The following TNRC6B variants were observed in gnomAD, a reference collection of about 807,000 sequenced individuals.
TNRC6B encodes the protein trinucleotide repeat containing adaptor 6B, also known as trinucleotide repeat-containing gene 6B protein.
Under a neutral mutation model 203.6 loss-of-function variants are expected in TNRC6B, and 52 were observed. The ratio of observed to expected loss-of-function variants is 0.26; its 90% CI spans 0.20 to 0.32. The LOEUF (loss-of-function observed/expected upper bound fraction) is 0.32, where lower values mean the gene tolerates loss of function less well. Ranked by LOEUF, TNRC6B falls within the 10% of genes least tolerant of loss-of-function variation. The probability of loss-of-function intolerance (pLI) is 1.00; values close to 1 mark genes in which losing one functional copy is unlikely to be tolerated. For synonymous variants in TNRC6B, 838 were observed against 845.7 expected (o/e 0.99, Z 0.16); for missense variants, 1,923 against 2,286.2 (o/e 0.84, Z 3.24).
At chr22:40,217,039 C>T (rs1484594334) in intron 1 of TNRC6B, among the ~76,000 whole-genome samples, 1 of 152,144 alleles carries the variant, frequency 6.6e-6, no homozygotes, top group Non-Finnish European at 1.5e-5. Context: ...ACCAATGCAG[C>T]TGTACCTTTG....
chr22:40,099,927 A>G (rs530813791), intron 1 of TNRC6B, among the ~76,000 whole-genome samples: 69 of 151,864 alleles, frequency 4.5e-4, no homozygotes, highest in African/African-American at 1.5e-3. Flanking sequence ...ATTTTTTTGT[A>G]TTTTTAGCAG....
At chr22:40,073,837 C>G (rs181601781) in intron 1 of TNRC6B, among the ~76,000 whole-genome samples, 158 of 152,192 alleles carry the variant, frequency 1.0e-3, no homozygotes, top group Non-Finnish European at 1.6e-3. Context: ...GTGGGCAGAT[C>G]ACCTGATGTC....
chr22:40,116,678 T>C (rs559237227), intron 1 of TNRC6B, among the ~76,000 whole-genome samples: 2 of 152,258 alleles, frequency 1.3e-5, no homozygotes, highest in East Asian at 1.9e-4. Flanking sequence ...TGGGCTGATA[T>C]GAGGGGTTGG....
intron 3 of TNRC6B, among the ~76,000 whole-genome samples, chr22:40,132,094 T>C (rs1261949924): frequency 6.6e-6 from 1 of 152,222 alleles, no homozygotes; most frequent in Non-Finnish European, 1.5e-5. Flanking sequence ...ACGCCTGTAA[T>C]CCCAGCAGTT....
At chr22:40,049,703 A>G (rs1431585566) in intron 1 of TNRC6B, among the ~76,000 whole-genome samples, 1 of 152,112 alleles carries the variant, frequency 6.6e-6, no homozygotes, top group Non-Finnish European at 1.5e-5. Context: ...TTCCGGGTTT[A>G]AGTGATTCTC....
At chr22:40,165,326 A>G (rs896987557) in intron 4 of TNRC6B, among the ~76,000 whole-genome samples, 1 of 151,774 alleles carries the variant, frequency 6.6e-6, no homozygotes, top group Non-Finnish European at 1.5e-5. Context: ...ACAGGCACGC[A>G]CTACCATGCC....
intron 1 of TNRC6B, among the ~76,000 whole-genome samples, chr22:40,240,081 T>G (rs1413124559): frequency 6.6e-6 from 1 of 152,154 alleles, no homozygotes; most frequent in Non-Finnish European, 1.5e-5. Context: ...TTTGCCCGCC[T>G]CAGCCTCCGA....
intron 1 of TNRC6B, among the ~76,000 whole-genome samples, chr22:40,210,795 T>C (rs572602125): frequency 6.6e-6 from 1 of 152,306 alleles, no homozygotes; most frequent in African/African-American, 2.4e-5. Flanking sequence ...AACCTGGAAA[T>C]ATGCTTGACC....
intron 1 of TNRC6B, among the ~76,000 whole-genome samples, chr22:40,105,272 A>T (rs1422842631): frequency 6.6e-6 from 1 of 152,162 alleles, no homozygotes; most frequent in Non-Finnish European, 1.5e-5. Context: ...TTTTGTTTTG[A>T]TTTAAATCTT....
intron 15 of TNRC6B, 143 bp downstream of exon 15, chr22:40,301,476 C>T: frequency 2.2e-6 from 2 of 906,290 alleles, no homozygotes; most frequent in Non-Finnish European, 3.3e-6. Context: ...ACAGATGAGA[C>T]ATCTGAGGCT....
At chr22:40,131,661 G>C (rs921641448) in intron 3 of TNRC6B, among the ~76,000 whole-genome samples, 5 of 152,058 alleles carry the variant, frequency 3.3e-5, no homozygotes, top group African/African-American at 1.2e-4. Flanking sequence ...TTAATTATTG[G>C]AGCTCCAACC....
chr22:40,219,271 A>G (rs980590179), intron 1 of TNRC6B, among the ~76,000 whole-genome samples: 1 of 152,186 alleles, frequency 6.6e-6, no homozygotes, highest in African/African-American at 2.4e-5. Flanking sequence ...TTAAAGAACG[A>G]GTAAGTGCTC....
chr22:40,191,419 G>A (rs2069271672), intron 1 of TNRC6B, among the ~76,000 whole-genome samples: 1 of 152,068 alleles, frequency 6.6e-6, no homozygotes. Context: ...TCTGTTTCAG[G>A]CAGAAGAAAT....
At chr22:40,203,549 A>G (rs1292969938) in intron 1 of TNRC6B, among the ~76,000 whole-genome samples, 1 of 152,124 alleles carries the variant, frequency 6.6e-6, no homozygotes, top group Admixed American at 6.6e-5. Context: ...AAAACAGCCT[A>G]AAAAACTCTT....
chr22:40,312,359 T>A, intron 17 of TNRC6B, 146 bp from the exon 18 acceptor site: 5 of 895,340 alleles, frequency 5.6e-6, no homozygotes, highest in Non-Finnish European at 8.1e-6. Flanking sequence ...GGTGATTTTT[T>A]TTTCCTTAAT....
In TNRC6B at chr22:40,282,147, T is replaced by G. The variant is rs190039529; in HGVS notation, c.3582+858T>G. ...GTGGGAGGACGTTAATTATACAACT[T>G]GTAATTATTAGTTGCATCCACATGA... On this transcript the variant is annotated intron_variant, in intron 11 of 22. Coordinates refer to ENST00000454349, the MANE Select transcript of TNRC6B (RefSeq NM_001162501.2). 4.9e-3 allele frequency among the ~76,000 whole-genome samples: 751 copies of G among 152,308 alleles called. 6 individuals carry two copies. Among genetic ancestry groups the G allele is most frequent in the South Asian group, 0.01 (50 of 4,828 alleles).
At chr22:40,141,733 C>G (rs2068645972) in intron 3 of TNRC6B, among the ~76,000 whole-genome samples, 1 of 151,970 alleles carries the variant, frequency 6.6e-6, no homozygotes, top group African/African-American at 2.4e-5. Flanking sequence ...AAATAGAGAT[C>G]CCAGGTCCCA....
intron 1 of TNRC6B, among the ~76,000 whole-genome samples, chr22:40,228,183 T>G (rs1476830644): frequency 6.6e-6 from 1 of 152,046 alleles, no homozygotes; most frequent in Non-Finnish European, 1.5e-5. Context: ...ATCCTAGCAC[T>G]TTGGGAGGCC....
chr22:40,289,288 G>GA (rs966731271), intron 12 of TNRC6B, among the ~76,000 whole-genome samples: 26 of 151,438 alleles, frequency 1.7e-4, no homozygotes, highest in African/African-American at 5.3e-4. Flanking sequence ...TCTCAAAAAA[G>GA]AAAAAAAGAG....
Sources: gnomAD v4.1 joint callset for allele counts (sites outside exome capture counted in the v4.1 genomes callset) on GRCh38, gnomAD v4.1.1 for gene constraint, MANE v1.5 for transcripts, NCBI Gene and HGNC (gene_info 2026-07-23, HGNC 2026-07-21) for gene names.